The following GABBR2 variants were observed in gnomAD, a reference collection of about 807,000 sequenced individuals.
The protein encoded by GABBR2 is G-protein coupled receptor 51.
A neutral mutation model predicts 105.6 loss-of-function variants in GABBR2; 23 were observed. The ratio of observed to expected loss-of-function variants is 0.22; its 90% CI spans 0.16 to 0.31. The LOEUF (loss-of-function observed/expected upper bound fraction) is 0.31, where lower values mean the gene tolerates loss of function less well. GABBR2 is among the 10% of genes least tolerant of loss of function. The pLI is 1.00. For missense variants in GABBR2, 734 were observed against 1,245.5 expected (o/e 0.59, Z 6.18); for synonymous variants, 478 against 499.7 (o/e 0.96, Z 0.58).
chr9:98,337,777 G>A (rs934398985), intron 13 of GABBR2, among the ~76,000 whole-genome samples: 10 of 152,124 alleles, frequency 6.6e-5, no homozygotes, highest in Admixed American at 5.2e-4. Context: ...GGTAGCTCAC[G>A]CCTATAATCC....
At chr9:98,444,933 G>T (rs72759695) in intron 7 of GABBR2, among the ~76,000 whole-genome samples, 4 of 152,252 alleles carry the variant, frequency 2.6e-5, no homozygotes, top group Non-Finnish European at 4.4e-5. Flanking sequence ...CCGCTACCAG[G>T]TATCACAGCA....
intron 13 of GABBR2, among the ~76,000 whole-genome samples, chr9:98,313,724 G>A (rs1318934249): frequency 6.6e-6 from 1 of 151,894 alleles, no homozygotes; most frequent in African/African-American, 2.4e-5. Flanking sequence ...ACACTCCTGA[G>A]GGTAAGGCAT....
At chr9:98,608,975 C>G (rs916302889) in intron 1 of GABBR2, among the ~76,000 whole-genome samples, 3 of 152,104 alleles carry the variant, frequency 2.0e-5, no homozygotes, top group East Asian at 1.9e-4. Context: ...AATGACCAAC[C>G]TGTTTCTACC....
chr9:98,454,304 A>G lies in GABBR2; in HGVS notation c.1000-87T>C, dbSNP rs1420255659. The G allele has an allele frequency of 2.3e-6, 2 of 878,094 alleles. No homozygotes were observed. Among genetic ancestry groups the G allele is most frequent in the Non-Finnish European group, 3.9e-6 (2 of 517,204 alleles). The allele number at this position is 878,094 out of a possible 1,614,324, so 54.4% of individuals were successfully genotyped here. On this transcript the variant is annotated intron_variant, in intron 6 of 18. Coordinates refer to ENST00000259455, the MANE Select transcript of GABBR2 (RefSeq NM_005458.8). The surrounding 1 kb of genome is among the most constrained non-coding windows in gnomAD (Gnocchi z 4.6). ...ATGCCGAGAAGAGCTGCTATTCTTC[A>G]ATGCCCACAGGGTGCCAGGTACAGT...
chr9:98,423,281 G>A (rs984804685), intron 7 of GABBR2, among the ~76,000 whole-genome samples: 5 of 152,158 alleles, frequency 3.3e-5, no homozygotes, highest in African/African-American at 9.7e-5. Context: ...CTGTTGTCCT[G>A]ACTTTTTAAT....
intron 13 of GABBR2, among the ~76,000 whole-genome samples, chr9:98,326,066 A>G (rs1830917042): frequency 6.6e-6 from 1 of 152,216 alleles, no homozygotes; most frequent in Non-Finnish European, 1.5e-5. Flanking sequence ...AAGGCTACTG[A>G]TAAGTGACCT....
chr9:98,628,959 A>G (rs545395866), intron 1 of GABBR2, among the ~76,000 whole-genome samples: 64 of 152,294 alleles, frequency 4.2e-4, no homozygotes, highest in African/African-American at 1.4e-3. Context: ...CCTTGCTTTT[A>G]TCAGAGAAGG....
chr9:98,701,191 G>GATAC (rs1830826188), intron 1 of GABBR2, among the ~76,000 whole-genome samples: 1 of 152,196 alleles, frequency 6.6e-6, no homozygotes. Context: ...AATACACAAA[G>GATAC]AAGGTCCCTT....
At chr9:98,574,370 G>A (rs1330074812) in intron 2 of GABBR2, among the ~76,000 whole-genome samples, 1 of 152,182 alleles carries the variant, frequency 6.6e-6, no homozygotes, top group African/African-American at 2.4e-5. Context: ...GACTCACTTT[G>A]GGGGATGCCA....
chr9:98,535,264 A>AT (rs989111654), intron 3 of GABBR2, among the ~76,000 whole-genome samples: 65 of 151,620 alleles, frequency 4.3e-4, no homozygotes, highest in Admixed American at 8.5e-4. Flanking sequence ...TGCCCAGTTA[A>AT]TTTTTTTTGT....
At chr9:98,561,759 C>T (rs1828676663) in intron 2 of GABBR2, among the ~76,000 whole-genome samples, 1 of 152,120 alleles carries the variant, frequency 6.6e-6, no homozygotes, top group African/African-American at 2.4e-5. Context: ...TGGCATGTGC[C>T]TATAATCCCA....
chr9:98,683,544 A>G (rs1478334973), intron 1 of GABBR2, among the ~76,000 whole-genome samples: 3 of 152,230 alleles, frequency 2.0e-5, no homozygotes, highest in African/African-American at 7.2e-5. Flanking sequence ...CGAGATGACT[A>G]CGTGTTAAAA....
chr9:98,591,028 A>G (rs1829139192), intron 1 of GABBR2, among the ~76,000 whole-genome samples: 2 of 152,222 alleles, frequency 1.3e-5, no homozygotes, highest in Non-Finnish European at 1.5e-5. Flanking sequence ...GGAGCTTTCC[A>G]TTCAGGAGGG....
intron 13 of GABBR2, among the ~76,000 whole-genome samples, chr9:98,338,327 G>A (rs1035510694): frequency 2.0e-5 from 3 of 152,100 alleles, no homozygotes; most frequent in Admixed American, 6.5e-5. Context: ...TTGAGAAAAT[G>A]CAAAGACAAC....
At chr9:98,426,408 G>A (rs1825686139) in intron 7 of GABBR2, among the ~76,000 whole-genome samples, 1 of 152,228 alleles carries the variant, frequency 6.6e-6, no homozygotes, top group Admixed American at 6.5e-5. Flanking sequence ...ATGCACACGT[G>A]TGTGTTAGAG....
chr9:98,308,638 T>C (rs1830588558), intron 14 of GABBR2, among the ~76,000 whole-genome samples: 1 of 152,090 alleles, frequency 6.6e-6, no homozygotes, highest in Non-Finnish European at 1.5e-5. Context: ...GAGAAGGCCA[T>C]GTGGAGACAG....
intron 7 of GABBR2, among the ~76,000 whole-genome samples, chr9:98,440,326 T>C (rs535673602): frequency 6.6e-6 from 1 of 152,352 alleles, no homozygotes; most frequent in Admixed American, 6.5e-5. Flanking sequence ...GCACTATCTA[T>C]GTTTTACAGA....
At chr9:98,692,647 G>A (rs547035369) in intron 1 of GABBR2, among the ~76,000 whole-genome samples, 8 of 152,332 alleles carry the variant, frequency 5.3e-5, no homozygotes, top group African/African-American at 1.7e-4. Flanking sequence ...TGGTGCCAAG[G>A]GCACTGGGCT....
At chr9:98,647,527 T>C (rs1830040699) in intron 1 of GABBR2, among the ~76,000 whole-genome samples, 1 of 152,206 alleles carries the variant, frequency 6.6e-6, no homozygotes, top group Non-Finnish European at 1.5e-5. Flanking sequence ...ACTCTCCGCT[T>C]CTTTATCTGT....
Sources: allele counts gnomAD v4.1 joint callset (sites outside exome capture counted in the v4.1 genomes callset), GRCh38; gene constraint gnomAD v4.1.1; non-coding constraint Gnocchi (gnomAD v3.1); transcripts MANE v1.5; gene names NCBI Gene and HGNC (gene_info 2026-07-23, HGNC 2026-07-21).